Variants in CMYA5 observed in about 807,000 individuals in gnomAD.
CMYA5 encodes the protein cardiomyopathy associated 5.
CMYA5 carries 246 observed loss-of-function variants against 318.9 expected under a neutral mutation model. The observed-to-expected ratio is 0.77, with a 90% CI of 0.70 to 0.86. The LOEUF is 0.86. CMYA5 is among the 40% of genes least tolerant of loss of function. CMYA5 has a pLI of 0.00. For missense variants in CMYA5, 4,589 were observed against 4,678.2 expected, an observed-to-expected ratio of 0.98 and a Z score of 0.56; for synonymous variants, 1,641 against 1,729.5, an observed-to-expected ratio of 0.95 and a Z score of 1.27.
chr5:79,701,303 G>A (rs1827171274), intron 1 of CMYA5, among the ~76,000 whole-genome samples: 1 of 152,032 alleles, frequency 6.6e-6, no homozygotes, highest in South Asian at 2.1e-4. Context: ...GATCAGTAGG[G>A]TGATTGTAGT....
At chr5:79,763,283 A>C in intron 9 of CMYA5, 74 bp downstream of exon 9, 4 of 1,275,446 alleles carry the variant, frequency 3.1e-6, no homozygotes, top group Non-Finnish European at 4.2e-6. Context: ...CTACCCTCTA[A>C]CTTCTGCTCA....
chr5:79,699,660 G>A (rs1211658738), intron 1 of CMYA5, among the ~76,000 whole-genome samples: 1 of 152,304 alleles, frequency 6.6e-6, no homozygotes, highest in Admixed American at 6.5e-5. Context: ...AGTGAACCGA[G>A]GGTATCACCC....
intron 9 of CMYA5, among the ~76,000 whole-genome samples, chr5:79,784,549 G>A (rs62363683): frequency 0.065 from 5,919 of 90,910 alleles, 252 homozygotes; most frequent in Middle Eastern, 0.11. Context: ...ATCTCAGACT[G>A]CTGTGCTAGC....
intron 1 of CMYA5, among the ~76,000 whole-genome samples, chr5:79,695,413 A>G (rs1231637938): frequency 1.3e-5 from 2 of 152,226 alleles, no homozygotes; most frequent in Non-Finnish European, 2.9e-5. Context: ...TCAGTGTAAA[A>G]CTTATTAGAG....
At chr5:79,742,850 A>T (rs1231006385) in intron 2 of CMYA5, among the ~76,000 whole-genome samples, 1 of 152,144 alleles carries the variant, frequency 6.6e-6, no homozygotes, top group Non-Finnish European at 1.5e-5. Context: ...ACCTTTTGGG[A>T]GTGAAACGGT....
intron 1 of CMYA5, among the ~76,000 whole-genome samples, chr5:79,694,750 T>C (rs1306456120): frequency 6.6e-6 from 1 of 152,194 alleles, no homozygotes; most frequent in Non-Finnish European, 1.5e-5. Flanking sequence ...TTTCCATATA[T>C]CTATTTATAT....
intron 10 of CMYA5, 56 bp from the exon 11 acceptor site, chr5:79,790,913 AG>A: frequency 1.7e-6 from 2 of 1,169,408 alleles, no homozygotes; most frequent in Non-Finnish European, 1.3e-6. Flanking sequence ...GGCTTAGCCT[AG>A]GGACAGCACT....
At chr5:79,768,009 A>G (rs530132914) in intron 9 of CMYA5, among the ~76,000 whole-genome samples, 49 of 152,242 alleles carry the variant, frequency 3.2e-4, no homozygotes, top group African/African-American at 1.2e-3. Flanking sequence ...TATATTTAGG[A>G]TAGTTAGCTC....
chr5:79,778,393 G>A (rs181052479), intron 9 of CMYA5, among the ~76,000 whole-genome samples: 138 of 152,300 alleles, frequency 9.1e-4, no homozygotes, highest in Admixed American at 3.6e-3. Context: ...GTGTATAAGA[G>A]TGCTTAGTTC....
chr5:79,758,228 T>C (rs1828568396), intron 6 of CMYA5, among the ~76,000 whole-genome samples: 1 of 149,376 alleles, frequency 6.7e-6, no homozygotes, highest in South Asian at 2.1e-4. Context: ...AGACTCCATC[T>C]CAACAGATTA....
intron 5 of CMYA5, among the ~76,000 whole-genome samples, chr5:79,751,089 C>T (rs1198334938): frequency 6.6e-6 from 1 of 152,134 alleles, no homozygotes; most frequent in East Asian, 1.9e-4. Flanking sequence ...CCCACCTGAC[C>T]TCAGACCTCC....
Position 79,761,960 on chromosome 5 carries a change from A to T in CMYA5, c.11407+3A>T. The T allele has an allele frequency of 5.6e-6, 9 of 1,611,522 alleles. No individual in the cohort carries two copies. The highest frequency in any genetic ancestry group is 7.6e-6 in the Non-Finnish European group (9 of 1,178,990). ...TGAAAGGGCCATCTTTAGGACAGGTAAGGAGATGGATGCTAAGGGTGCATT... is the reference window on the plus strand; with the variant it reads ...TGAAAGGGCCATCTTTAGGACAGGTTAGGAGATGGATGCTAAGGGTGCATT... On this transcript the variant is annotated splice_donor_region_variant and intron_variant, in intron 8 of 12. Transcript: ENST00000446378.
Position 79,736,436 on chromosome 5 carries a change from T to G in CMYA5, c.7671T>G (p.His2557Gln). Reference sequence around the variant, plus strand: ...CAGAAGGAAAGAAGCAGCAGGAACATCAGCCTTATTCTGTGAATGTAGCCG... The same window carrying G: ...CAGAAGGAAAGAAGCAGCAGGAACAGCAGCCTTATTCTGTGAATGTAGCCG... ...VLSEGKKQQE[H>Q]QPYSVNVAES... Residue 2557 changes from histidine (H) to glutamine (Q), a missense_variant, in exon 2 of 13, where the codon CAT becomes CAG. By Grantham distance (24) the His-to-Gln change is conservative. Coordinates refer to ENST00000446378, the MANE Select transcript of CMYA5 (RefSeq NM_153610.5). The G allele has an allele frequency of 6.2e-7, 1 of 1,608,872 alleles. No homozygotes were observed. Among genetic ancestry groups the G allele is most frequent in the Non-Finnish European group, 8.5e-7 (1 of 1,177,388 alleles).
chr5:79,776,893 G>C (rs946236502), intron 9 of CMYA5, among the ~76,000 whole-genome samples: 12 of 152,276 alleles, frequency 7.9e-5, no homozygotes, highest in African/African-American at 2.9e-4. Flanking sequence ...TTTGTACACA[G>C]GCCGCCCCGC....
At chr5:79,759,979 G>A (rs1360097759) in intron 7 of CMYA5, among the ~76,000 whole-genome samples, 1 of 152,174 alleles carries the variant, frequency 6.6e-6, no homozygotes, top group Non-Finnish European at 1.5e-5. Flanking sequence ...GAAAACTAAT[G>A]TGAGGTTACA....
intron 1 of CMYA5, among the ~76,000 whole-genome samples, chr5:79,713,291 CACCCCG>C (rs1185353146): frequency 3.8e-5 from 3 of 77,926 alleles, no homozygotes; most frequent in African/African-American, 5.2e-5. Context: ...CACCCCGCTG[CACCCCG>C]CCCCCACCCC....
chr5:79,747,248 A>C (rs540887417), intron 5 of CMYA5, 135 bp downstream of exon 5: 1 of 716,362 alleles, frequency 1.4e-6, no homozygotes, highest in African/African-American at 1.9e-5. Context: ...TCACTTTTAG[A>C]CACAGTGCTT....
In CMYA5 at chr5:79,752,670, C is replaced by T. The variant is rs771052123; in HGVS notation, c.10992-6C>T. The T allele has an allele frequency of 2.9e-5, 46 of 1,599,348 alleles. No individual in the cohort carries two copies. The highest frequency in any genetic ancestry group is 4.0e-5 in the African/African-American group (3 of 74,446). On this transcript the variant is annotated splice_polypyrimidine_tract_variant and splice_region_variant and intron_variant, in intron 5 of 12. Transcript: ENST00000446378. ...TTAACTTATGTAGAGCTCTATTCCCCGATAGGTTGCTTTCTGCAATGGAGA... is the reference window on the plus strand; with the variant it reads ...TTAACTTATGTAGAGCTCTATTCCCTGATAGGTTGCTTTCTGCAATGGAGA...
At chr5:79,761,721 G>A in intron 7 of CMYA5, 90 bp from the exon 8 acceptor site, 1 of 1,400,534 alleles carries the variant, frequency 7.1e-7, no homozygotes, top group Non-Finnish European at 9.6e-7. Flanking sequence ...ATTTTCCACT[G>A]AAAGAAAATC....
Sources: gnomAD v4.1 joint callset for allele counts (sites outside exome capture counted in the v4.1 genomes callset) on GRCh38, gnomAD v4.1.1 for gene constraint, MANE v1.5 for transcripts, NCBI Gene and HGNC (gene_info 2026-07-23, HGNC 2026-07-21) for gene names.